The following UBAP2 variants were observed in gnomAD, a reference collection of about 807,000 sequenced individuals.
UBAP2 encodes the protein ubiquitin-associated protein 2.
Under a neutral mutation model 139.6 loss-of-function variants are expected in UBAP2, and 75 were observed. That is an observed-to-expected ratio of 0.54 (90% confidence interval 0.45 to 0.65). UBAP2 has a LOEUF of 0.65. UBAP2 is among the 30% of genes least tolerant of loss of function. The pLI, the probability that UBAP2 is intolerant of heterozygous loss-of-function variation, is 0.00. For synonymous variants in UBAP2, 526 were observed against 526.2 expected, an observed-to-expected ratio of 1.00 and a Z score of 0.01; for missense variants, 1,368 against 1,369.6, an observed-to-expected ratio of 1.00 and a Z score of 0.02.
At chr9:34,048,541 A>T (rs370126193) in intron 1 of UBAP2, among the ~76,000 whole-genome samples, 4 of 150,220 alleles carry the variant, frequency 2.7e-5, no homozygotes, top group East Asian at 2.0e-4. Context: ...GAAAGGGGGG[A>T]GGGGAGGCAC....
intron 6 of UBAP2, among the ~76,000 whole-genome samples, chr9:33,984,503 A>G (rs1361473040): frequency 6.8e-6 from 1 of 147,108 alleles, no homozygotes; most frequent in Non-Finnish European, 1.5e-5. Flanking sequence ...TCTCTTAAAA[A>G]AAAAATTTTT....
At chr9:34,023,110 C>T (rs1384135751) in intron 1 of UBAP2, among the ~76,000 whole-genome samples, 1 of 151,714 alleles carries the variant, frequency 6.6e-6, no homozygotes, top group Non-Finnish European at 1.5e-5. Context: ...CCTGTAGTCC[C>T]AGCTACTCGG....
intron 11 of UBAP2, among the ~76,000 whole-genome samples, chr9:33,955,511 C>A (rs571521857): frequency 1.4e-5 from 2 of 144,560 alleles, no homozygotes; most frequent in African/African-American, 2.6e-5. Context: ...CAGAGTGAGA[C>A]TCCGTCTCAA....
chr9:33,932,709 A>G, intron 18 of UBAP2, 81 bp from the exon 19 acceptor site: 9 of 1,442,860 alleles, frequency 6.2e-6, no homozygotes, highest in Non-Finnish European at 8.6e-6. Context: ...TCAGTGAGCT[A>G]GATTCAAACT....
At chr9:34,012,308 A>G (rs1323864313) in intron 2 of UBAP2, among the ~76,000 whole-genome samples, 1 of 152,216 alleles carries the variant, frequency 6.6e-6, no homozygotes, top group Non-Finnish European at 1.5e-5. Flanking sequence ...AGGCAGGCGG[A>G]TCACCTAAGG....
chr9:33,941,896 G>T, intron 15 of UBAP2, 34 bp from the exon 16 acceptor site: 10 of 1,478,206 alleles, frequency 6.8e-6, no homozygotes, highest in Non-Finnish European at 9.3e-6. Flanking sequence ...ACATAATTTT[G>T]TTACTTTAAA....
rs200097712 is a variant in UBAP2 at position 33,943,904 on chromosome 9, T to TA, written c.1546-316dup. ...CAACACGGCGAGACCCTGTCTCATT[T>TA]AAAAAAAAAAAGGAGAAATTAAAAG... On this transcript the variant is annotated intron_variant, in intron 14 of 28. Coordinates refer to ENST00000379238, the MANE Select transcript of UBAP2 (RefSeq NM_001370062.2). Among the ~76,000 whole-genome samples, 141 of 145,426 alleles carry TA rather than the reference T, an allele frequency of 9.7e-4. 2 individuals are homozygous for TA. The Middle Eastern group carries it at 0.011, about 11-fold the overall frequency.
intron 19 of UBAP2, chr9:33,928,872 A>C (rs1349103685): frequency 1.3e-5 from 2 of 152,502 alleles, no homozygotes; most frequent in African/African-American, 4.8e-5. Flanking sequence ...GGAAGGGCCC[A>C]GGAGAAGGAC....
intron 1 of UBAP2, among the ~76,000 whole-genome samples, chr9:34,031,966 C>T (rs774053977): frequency 4.0e-5 from 6 of 151,868 alleles, no homozygotes; most frequent in Admixed American, 1.3e-4. Flanking sequence ...GCAAGACCTC[C>T]TCATCTCTAC....
intron 4 of UBAP2, among the ~76,000 whole-genome samples, chr9:33,990,275 C>A (rs1189578853): frequency 1.3e-5 from 2 of 152,072 alleles, no homozygotes; most frequent in Non-Finnish European, 2.9e-5. Flanking sequence ...AAAAATCTTA[C>A]AGAAAAACAA....
At chr9:34,048,536 G>A (rs180874563) in intron 1 of UBAP2, among the ~76,000 whole-genome samples, 1 of 152,304 alleles carries the variant, frequency 6.6e-6, no homozygotes, top group African/African-American at 2.4e-5. Context: ...AACCCGAAAG[G>A]GGGGAGGGGA....
At chr9:33,934,084 C>G (rs1824242085) in intron 17 of UBAP2, 1 of 168,200 alleles carries the variant, frequency 5.9e-6, no homozygotes, top group Non-Finnish European at 1.3e-5. Context: ...GCTGACTCTA[C>G]CAATGCTCAC....
intron 6 of UBAP2, among the ~76,000 whole-genome samples, chr9:33,982,879 TG>T (rs1007147618): frequency 4.0e-5 from 6 of 150,166 alleles, no homozygotes; most frequent in African/African-American, 4.9e-5. Flanking sequence ...TGTTTTTTTT[TG>T]TTTTTTTTTT....
At chr9:33,994,657 T>C (rs1168580064) in intron 4 of UBAP2, 1 of 148,312 alleles carries the variant, frequency 6.7e-6, no homozygotes, top group Admixed American at 6.7e-5. Flanking sequence ...TATCATATAA[T>C]ATGGTTTTCC....
intron 8 of UBAP2, among the ~76,000 whole-genome samples, chr9:33,969,995 T>C (rs1587585363): frequency 1.5e-5 from 2 of 133,068 alleles, no homozygotes; most frequent in South Asian, 2.9e-4. Context: ...AGTGGCACGA[T>C]CTCAGCTCAC....
chr9:33,964,052 AAG>A (rs1381053072), intron 8 of UBAP2, among the ~76,000 whole-genome samples: 5 of 152,196 alleles, frequency 3.3e-5, no homozygotes, highest in African/African-American at 1.2e-4. Context: ...TCACTCATCA[AAG>A]AGAGTATTCT....
Position 33,963,711 on chromosome 9 carries a change from A to G in UBAP2, c.745+15T>C. 4 of 1,533,342 alleles carry G rather than the reference A, an allele frequency of 2.6e-6. No individual in the cohort carries two copies. The highest frequency in any genetic ancestry group is 3.6e-6 in the Non-Finnish European group (4 of 1,116,922). 95.0% of individuals were successfully genotyped at this position (1,533,342 alleles called of 1,614,324 possible). On this transcript the variant is annotated intron_variant, in intron 9 of 28. Coordinates refer to ENST00000379238, the MANE Select transcript of UBAP2 (RefSeq NM_001370062.2). ...GATTCTTAATTTTAAAAATTAAAAA[A>G]TTAAGTATTCATACCTTTGAGTCCA...
At chr9:34,046,601 G>A (rs527257110) in intron 1 of UBAP2, among the ~76,000 whole-genome samples, 2 of 140,180 alleles carry the variant, frequency 1.4e-5, no homozygotes, top group African/African-American at 5.4e-5. Context: ...CCGAGATCAG[G>A]CCACTGCACT....
intron 3 of UBAP2, chr9:33,998,264 G>A (rs1196633624): frequency 1.3e-5 from 2 of 152,510 alleles, no homozygotes; most frequent in African/African-American, 2.4e-5. Context: ...TGGGCATGGT[G>A]ATGAACATCT....
Sources: allele counts gnomAD v4.1 joint callset (sites outside exome capture counted in the v4.1 genomes callset), GRCh38; gene constraint gnomAD v4.1.1; transcripts MANE v1.5; gene names NCBI Gene and HGNC (gene_info 2026-07-23, HGNC 2026-07-21).